Variants in AGAP1 observed in about 807,000 individuals in gnomAD.
AGAP1 encodes the protein arf-GAP with GTPase, ANK repeat and PH domain-containing protein 1.
AGAP1 carries 29 observed loss-of-function variants against 105.3 expected under a neutral mutation model. The observed-to-expected ratio is 0.28, with a 90% CI of 0.21 to 0.38. The LOEUF is 0.38. AGAP1 is among the 10% of genes least tolerant of loss of function. The pLI, the probability that AGAP1 is intolerant of heterozygous loss-of-function variation, is 1.00. For synonymous variants in AGAP1, 509 were observed against 485.9 expected (o/e 1.05, Z -0.63); for missense variants, 998 against 1,165.1 (o/e 0.86, Z 2.09).
In AGAP1 at chr2:235,750,600, T is replaced by C. The variant is rs1337250534; in HGVS notation, c.673+112T>C. On this transcript the variant is annotated intron_variant, in intron 6 of 17. Transcript: ENST00000304032. The surrounding 1 kb of genome is among the most constrained non-coding windows in gnomAD (Gnocchi z 5.3). ...GTGGGTGGTGGAAATATGTCGTTGATGGGTGGGCATTAGTATCGAGAGCAG... is the reference window on the plus strand; with the variant it reads ...GTGGGTGGTGGAAATATGTCGTTGACGGGTGGGCATTAGTATCGAGAGCAG... The C allele has an allele frequency of 6.7e-7, 1 of 1,493,588 alleles. No homozygotes were observed. Among genetic ancestry groups the C allele is most frequent in the East Asian group, 2.3e-5 (1 of 43,802 alleles). The allele number at this position is 1,493,588 out of a possible 1,614,324, so 92.5% of individuals were successfully genotyped here. A position where few individuals can be genotyped will look rare whatever the true frequency, so the allele number is the denominator to read the frequency against.
chr2:235,674,873 G>C (rs1448748464), intron 1 of AGAP1, among the ~76,000 whole-genome samples: 1 of 151,844 alleles, frequency 6.6e-6, no homozygotes, highest in Non-Finnish European at 1.5e-5. Context: ...GTTTTTAGTA[G>C]AGAGAGGGTT....
chr2:235,947,144 C>T (rs991708957), intron 12 of AGAP1, among the ~76,000 whole-genome samples: 1 of 152,028 alleles, frequency 6.6e-6, no homozygotes, highest in African/African-American at 2.4e-5. Flanking sequence ...AGTTCTTTAG[C>T]GCTGATTTCT....
In AGAP1 at chr2:235,720,818, G is replaced by A. The variant is rs146149252; in HGVS notation, c.310+3174G>A. On this transcript the variant is annotated intron_variant, in intron 3 of 17. Coordinates refer to ENST00000304032, the MANE Select transcript of AGAP1 (RefSeq NM_001037131.3). The surrounding 1 kb of genome is among the most constrained non-coding windows in gnomAD (Gnocchi z 5.0). ...CCTGTCTTCAGGGGAGAGCTCTCTCGTGGTAGAAACATTTCTGGTGCAGAG... is the reference window on the plus strand; with the variant it reads ...CCTGTCTTCAGGGGAGAGCTCTCTCATGGTAGAAACATTTCTGGTGCAGAG... 1.3e-3 allele frequency: 839 copies of A among 628,416 alleles called. 4 individuals carry two copies. In the African/African-American group the frequency reaches 0.015, roughly 11 times the overall value. 38.9% of individuals were successfully genotyped at this position (628,416 alleles called of 1,614,324 possible). A position where few individuals can be genotyped will look rare whatever the true frequency, so the allele number is the denominator to read the frequency against.
chr2:235,862,016 G>A (rs1211032697), intron 9 of AGAP1, among the ~76,000 whole-genome samples: 2 of 152,160 alleles, frequency 1.3e-5, no homozygotes, highest in Non-Finnish European at 2.9e-5. Flanking sequence ...TTTCGTCAGA[G>A]ATCAAAACCA....
intron 12 of AGAP1, among the ~76,000 whole-genome samples, chr2:235,949,924 G>C (rs575814124): frequency 6.6e-6 from 1 of 152,316 alleles, no homozygotes; most frequent in African/African-American, 2.4e-5. Flanking sequence ...TCTAGAACTA[G>C]AAAACTAACT....
In AGAP1 at chr2:236,095,194, C is replaced by T. The variant is rs777848418; in HGVS notation, c.2115-24998C>T. Among the ~76,000 whole-genome samples the T allele has an allele frequency of 1.7e-4, 26 of 151,898 alleles. No individual in the cohort carries two copies. The highest frequency in any genetic ancestry group is 2.8e-4 in the Non-Finnish European group (19 of 67,986). On this transcript the variant is annotated intron_variant, in intron 16 of 17. Transcript: ENST00000304032. The surrounding 1 kb of genome is among the most constrained non-coding windows in gnomAD (Gnocchi z 4.1). ...GGTGGATTGCTTGAGCTCAGGAGTT[C>T]GAGACCAGCCTGGGAACTGTGGTGA...
intron 13 of AGAP1, among the ~76,000 whole-genome samples, chr2:236,021,036 C>T (rs1252276494): frequency 1.3e-5 from 2 of 151,810 alleles, no homozygotes; most frequent in Non-Finnish European, 2.9e-5. Context: ...CATGGTGGTG[C>T]GTGCCTGTAA....
In AGAP1 at chr2:235,891,055, A is replaced by C. The variant is rs2050518321; in HGVS notation, c.1155+7606A>C. Reference sequence around the variant, plus strand: ...GAAAACTCAACCAAATAATGAATGAAACTGCCTTAATGGAGTGGCCAACTG... The same window carrying C: ...GAAAACTCAACCAAATAATGAATGACACTGCCTTAATGGAGTGGCCAACTG... On this transcript the variant is annotated intron_variant, in intron 10 of 17. Coordinates refer to ENST00000304032, the MANE Select transcript of AGAP1 (RefSeq NM_001037131.3). The surrounding 1 kb of genome is among the most constrained non-coding windows in gnomAD (Gnocchi z 4.2). Among the ~76,000 whole-genome samples the C allele has an allele frequency of 6.6e-6, 1 of 152,162 alleles. No individual in the cohort carries two copies. Among genetic ancestry groups the C allele is most frequent in the Non-Finnish European group, 1.5e-5 (1 of 68,032 alleles).
At chr2:235,873,211 C>T (rs995592739) in intron 9 of AGAP1, among the ~76,000 whole-genome samples, 1 of 152,204 alleles carries the variant, frequency 6.6e-6, no homozygotes, top group Non-Finnish European at 1.5e-5. Flanking sequence ...CTGATTCCCA[C>T]TTGGTACAAA....
At chr2:235,593,345 C>T (rs1945414535) in intron 1 of AGAP1, among the ~76,000 whole-genome samples, 1 of 152,152 alleles carries the variant, frequency 6.6e-6, no homozygotes, top group Non-Finnish European at 1.5e-5. Flanking sequence ...GAACAACCTC[C>T]TGATTTCAAA....
chr2:235,967,382 G>A lies in AGAP1; in HGVS notation c.1484-1080G>A, dbSNP rs536877384. Among the ~76,000 whole-genome samples, 13 of 152,150 alleles carry A rather than the reference G, an allele frequency of 8.5e-5. No individual in the cohort carries two copies. Among genetic ancestry groups the A allele is most frequent in the Non-Finnish European group, 1.5e-4 (10 of 68,022 alleles). ...GCCTTGATGCCCCGCGTTCCTATTC[G>A]GTCTTTCCCATAACTCTTACCAGCT... On this transcript the variant is annotated intron_variant, in intron 12 of 17. Transcript: ENST00000304032. The surrounding 1 kb of genome is among the most constrained non-coding windows in gnomAD (Gnocchi z 4.7).
rs1241062755 is a variant in AGAP1, at chr2:235,960,424, G to C, written c.1484-8038G>C. ...CTCTGTCTCCCCAGCCCTCTCCTGG[G>C]CTTTCTCCCGGTGCAATGACACCTT... On this transcript the variant is annotated intron_variant, in intron 12 of 17. Coordinates refer to ENST00000304032, the MANE Select transcript of AGAP1 (RefSeq NM_001037131.3). The surrounding 1 kb of genome is among the most constrained non-coding windows in gnomAD (Gnocchi z 4.9). Among the ~76,000 whole-genome samples, 1 of 152,132 alleles carries C rather than the reference G, an allele frequency of 6.6e-6. No homozygotes were observed. The highest frequency in any genetic ancestry group is 1.9e-4 in the East Asian group (1 of 5,178).
Position 235,611,762 on chromosome 2 carries a change from A to T in AGAP1, c.164-97417A>T, listed in dbSNP as rs1946133327. On this transcript the variant is annotated intron_variant, in intron 1 of 17. Transcript: ENST00000304032. The surrounding 1 kb of genome is among the most constrained non-coding windows in gnomAD (Gnocchi z 5.0). ...AACTGTCTTCATTTCTTTAAAGAGC[A>T]TTCATCAATGATATTAATGATTTTC... Among the ~76,000 whole-genome samples, 1 of 152,256 alleles carries T rather than the reference A, an allele frequency of 6.6e-6. No individual in the cohort carries two copies. The highest frequency in any genetic ancestry group is 6.5e-5 in the Admixed American group (1 of 15,286).
chr2:235,681,482 T>C (rs1419365315), intron 1 of AGAP1, among the ~76,000 whole-genome samples: 2 of 152,080 alleles, frequency 1.3e-5, no homozygotes, highest in Non-Finnish European at 2.9e-5. Flanking sequence ...CCTTGTCTAC[T>C]CCCTTGCCCC....
In AGAP1 at chr2:236,121,995, A is replaced by G. The variant is rs1322463719; in HGVS notation, c.2370+1548A>G. ...GGGACAAAGTCTTGCTCTGTCGTCCAGGCTGGAGTGCAGTGGCACAATCAT... is the reference window on the plus strand; with the variant it reads ...GGGACAAAGTCTTGCTCTGTCGTCCGGGCTGGAGTGCAGTGGCACAATCAT... On this transcript the variant is annotated intron_variant, in intron 17 of 17. Transcript: ENST00000304032. This position sits in a 1 kb window ranked among gnomAD's most constrained non-coding sequence, Gnocchi z 4.9. Among the ~76,000 whole-genome samples, 2 of 134,576 alleles carry G rather than the reference A, an allele frequency of 1.5e-5. No homozygotes were observed. Among genetic ancestry groups the G allele is most frequent in the Admixed American group, 1.8e-4 (2 of 11,182 alleles). 88.3% of individuals were successfully genotyped at this position (134,576 alleles called of 152,430 possible).
Position 235,665,253 on chromosome 2 carries a change from C to A in AGAP1, c.164-43926C>A, listed in dbSNP as rs1422105880. Among the ~76,000 whole-genome samples the A allele has an allele frequency of 6.6e-6, 1 of 152,120 alleles. No homozygotes were observed. Among genetic ancestry groups the A allele is most frequent in the Admixed American group, 6.6e-5 (1 of 15,252 alleles). Reference sequence around the variant, plus strand: ...GCCAGTGTTCTGTTGGCAGGAATTGCTATCGTTGGTCCTTAAGGAAAAACA... The same window carrying A: ...GCCAGTGTTCTGTTGGCAGGAATTGATATCGTTGGTCCTTAAGGAAAAACA... On this transcript the variant is annotated intron_variant, in intron 1 of 17. Transcript: ENST00000304032. This position sits in a 1 kb window ranked among gnomAD's most constrained non-coding sequence, Gnocchi z 5.3.
At chr2:235,763,085 G>A (rs544223865) in intron 6 of AGAP1, among the ~76,000 whole-genome samples, 2 of 139,856 alleles carry the variant, frequency 1.4e-5, no homozygotes, top group African/African-American at 2.7e-5. Flanking sequence ...TGCACCTGCC[G>A]TGTTTGAAAA....
intron 16 of AGAP1, among the ~76,000 whole-genome samples, chr2:236,094,170 G>A (rs906375983): frequency 5.9e-5 from 9 of 152,066 alleles, no homozygotes; most frequent in Admixed American, 5.9e-4. Context: ...CAAAAGCTGT[G>A]ATGGAGCCAG....
intron 13 of AGAP1, among the ~76,000 whole-genome samples, chr2:235,978,740 C>G (rs940292633): frequency 7.2e-5 from 11 of 152,142 alleles, no homozygotes; most frequent in Admixed American, 2.0e-4. Flanking sequence ...AGTTGCTTCT[C>G]CCTCTGTGCA....
Sources: gnomAD v4.1 joint callset for allele counts (sites outside exome capture counted in the v4.1 genomes callset) on GRCh38, gnomAD v4.1.1 for gene constraint, Gnocchi (gnomAD v3.1) non-coding constraint, MANE v1.5 for transcripts, NCBI Gene and HGNC (gene_info 2026-07-23, HGNC 2026-07-21) for gene names.